Variants in MINDY2 observed in about 807,000 individuals in gnomAD.
MINDY2 encodes the protein ubiquitin carboxyl-terminal hydrolase MINDY-2.
A neutral mutation model predicts 68.2 loss-of-function variants in MINDY2; 52 were observed. The ratio of observed to expected loss-of-function variants is 0.76; its 90% CI spans 0.61 to 0.96. The LOEUF is 0.96. MINDY2 is among the 40% of genes least tolerant of loss of function. The pLI is 0.00. For missense variants in MINDY2, 881 were observed against 773.4 expected, an observed-to-expected ratio of 1.14 and a Z score of -1.65; for synonymous variants, 372 against 303.0, an observed-to-expected ratio of 1.23 and a Z score of -2.36.
intron 1 of MINDY2, among the ~76,000 whole-genome samples, chr15:58,774,685 A>G (rs758343561): frequency 6.6e-6 from 1 of 152,140 alleles, no homozygotes; most frequent in African/African-American, 2.4e-5. Context: ...TTCATAGAAG[A>G]GATAACCTGT....
In MINDY2 at chr15:58,810,727, C is replaced by G. The variant is rs527421836; in HGVS notation, c.1122+339C>G. Among the ~76,000 whole-genome samples, 7 of 152,256 alleles carry G rather than the reference C, an allele frequency of 4.6e-5. No individual in the cohort carries two copies. In the South Asian group the frequency reaches 1.5e-3, roughly 32 times the overall value. ...AGTGACTAACAGGACTCCCTGAAAC[C>G]TATTATACTCACCATTACAGTTCAT... On this transcript the variant is annotated intron_variant, in intron 4 of 8. Transcript: ENST00000559228.
At chr15:58,772,353 T>G in intron 1 of MINDY2, 118 bp downstream of exon 1, 1 of 1,430,062 alleles carries the variant, frequency 7.0e-7, no homozygotes, top group Non-Finnish European at 9.4e-7. Context: ...GTCCCCTTCT[T>G]ACATGAAATT....
intron 1 of MINDY2, among the ~76,000 whole-genome samples, chr15:58,778,501 G>A (rs1900915095): frequency 6.7e-6 from 1 of 149,008 alleles, no homozygotes; most frequent in Non-Finnish European, 1.5e-5. Context: ...ATTTGATTCT[G>A]TAAAATAAAA....
chr15:58,772,250 T>A lies in MINDY2; in HGVS notation c.840+15T>A, dbSNP rs778783996. On this transcript the variant is annotated intron_variant, in intron 1 of 8. Coordinates refer to ENST00000559228, the MANE Select transcript of MINDY2 (RefSeq NM_001040450.3). ...TGGCCTGGAAGGTACATTCTGCAGC[T>A]TTCTACTTCCTACAGCTTTTGGGGT... The A allele has an allele frequency of 6.2e-6, 10 of 1,606,846 alleles. 1 individual carries two copies. The African/African-American group carries it at 1.3e-4, about 21-fold the overall frequency.
At position 58,858,158 on chromosome 15, in the gene MINDY2, G is replaced by A. The variant is rs932682254; in HGVS notation, c.*3548G>A. 2 of 152,164 alleles carry A rather than the reference G, an allele frequency of 1.3e-5. No individual in the cohort carries two copies. Among genetic ancestry groups the A allele is most frequent in the African/African-American group, 4.8e-5 (2 of 41,450 alleles). The allele number at this position is 152,164 out of a possible 1,614,324, so 9.4% of individuals were successfully genotyped here. ...GGCATTGGTTTTACACTGGTGCAGT[G>A]TGCTTAGGTAAAGTAACTTCTTCCA... On this transcript the variant is annotated 3_prime_UTR_variant, in exon 9 of 9. Coordinates refer to ENST00000559228, the MANE Select transcript of MINDY2 (RefSeq NM_001040450.3).
At chr15:58,827,614 C>T (rs1194983321) in intron 5 of MINDY2, among the ~76,000 whole-genome samples, 1 of 152,090 alleles carries the variant, frequency 6.6e-6, no homozygotes, top group Non-Finnish European at 1.5e-5. Context: ...CAGGCGCCCG[C>T]CACCACGGCC....
chr15:58,829,186 G>T (rs1307520389), intron 5 of MINDY2, among the ~76,000 whole-genome samples: 7 of 152,078 alleles, frequency 4.6e-5, no homozygotes, highest in African/African-American at 1.7e-4. Flanking sequence ...TTCAATAAAG[G>T]CTAATTAATT....
intron 6 of MINDY2, among the ~76,000 whole-genome samples, chr15:58,840,096 A>T (rs2032202781): frequency 6.6e-6 from 1 of 152,118 alleles, no homozygotes; most frequent in Admixed American, 6.5e-5. Flanking sequence ...TGCCTCCCAA[A>T]GTGCTAGGAT....
intron 1 of MINDY2, among the ~76,000 whole-genome samples, chr15:58,781,637 G>A (rs1281251397): frequency 6.6e-6 from 1 of 152,016 alleles, no homozygotes; most frequent in African/African-American, 2.4e-5. Flanking sequence ...AAGCGCAGTG[G>A]CTCATGCCTG....
At chr15:58,836,136 TC>T (rs1385188446) in intron 6 of MINDY2, among the ~76,000 whole-genome samples, 3 of 152,126 alleles carry the variant, frequency 2.0e-5, no homozygotes, top group African/African-American at 7.2e-5. Flanking sequence ...GGTCTCAATC[TC>T]CTGATCTCGT....
chr15:58,847,553 T>A, intron 7 of MINDY2, 83 bp downstream of exon 7: 1 of 1,171,566 alleles, frequency 8.5e-7, no homozygotes, highest in Non-Finnish European at 1.2e-6. Flanking sequence ...ATTTTTCAAC[T>A]AAAGATTAAT....
chr15:58,803,239 G>T (rs1186062882), intron 3 of MINDY2, among the ~76,000 whole-genome samples: 1 of 151,762 alleles, frequency 6.6e-6, no homozygotes, highest in Non-Finnish European at 1.5e-5. Flanking sequence ...GGCCGAGGTG[G>T]GCAGATCACG....
chr15:58,854,398 T>C (rs1450943569), intron 8 of MINDY2, 84 bp from the exon 9 acceptor site: 13 of 1,474,400 alleles, frequency 8.8e-6, no homozygotes, highest in Non-Finnish European at 1.2e-5. Flanking sequence ...TTCCTTCCAC[T>C]GTTACAGTTT....
intron 3 of MINDY2, among the ~76,000 whole-genome samples, chr15:58,806,809 A>C (rs1324804937): frequency 1.3e-5 from 2 of 152,180 alleles, no homozygotes; most frequent in African/African-American, 4.8e-5. Flanking sequence ...GAAAAGTTCT[A>C]AAACACTTAA....
chr15:58,859,184 A>G lies in MINDY2; in HGVS notation c.*4574A>G, dbSNP rs1270085063. On this transcript the variant is annotated 3_prime_UTR_variant, in exon 9 of 9. Transcript: ENST00000559228. ...CAGTTTTTTGTGTGTTCTATAGACT[A>G]TAGAGTCAAAATCAAGAGTATTTTG... The G allele has an allele frequency of 1.3e-5, 2 of 152,026 alleles. No homozygotes were observed. Among genetic ancestry groups the G allele is most frequent in the African/African-American group, 2.4e-5 (1 of 41,416 alleles). The allele number at this position is 152,026 out of a possible 1,614,324, so 9.4% of individuals were successfully genotyped here. A position where few individuals can be genotyped will look rare whatever the true frequency, so the allele number is the denominator to read the frequency against.
intron 6 of MINDY2, among the ~76,000 whole-genome samples, chr15:58,846,203 T>C (rs1398363635): frequency 2.6e-5 from 4 of 151,830 alleles, no homozygotes; most frequent in African/African-American, 4.8e-5. Flanking sequence ...TAACTAAAAG[T>C]ATAATTGGAT....
At chr15:58,798,760 A>T (rs148987164) in intron 2 of MINDY2, among the ~76,000 whole-genome samples, 297 of 152,258 alleles carry the variant, frequency 2.0e-3, no homozygotes, top group Middle Eastern at 3.4e-3. Flanking sequence ...CCAGCAATCC[A>T]GTAAATATTC....
chr15:58,814,431 G>T (rs1463268867), intron 4 of MINDY2, among the ~76,000 whole-genome samples: 2 of 151,818 alleles, frequency 1.3e-5, no homozygotes, highest in African/African-American at 4.8e-5. Flanking sequence ...GAGTCACCCA[G>T]GCTGGAGTGC....
intron 3 of MINDY2, among the ~76,000 whole-genome samples, chr15:58,808,583 A>G (rs749509963): frequency 6.6e-6 from 1 of 152,086 alleles, no homozygotes; most frequent in South Asian, 2.1e-4. Context: ...ACCACATATT[A>G]TAAAATATAT....
Sources: gnomAD v4.1 joint callset for allele counts (sites outside exome capture counted in the v4.1 genomes callset) on GRCh38, gnomAD v4.1.1 for gene constraint, MANE v1.5 for transcripts, NCBI Gene and HGNC (gene_info 2026-07-23, HGNC 2026-07-21) for gene names.